PM20D1: variants seen among roughly 807,000 people sequenced by gnomAD.
PM20D1 encodes the protein N-fatty-acyl-amino acid synthase/hydrolase PM20D1.
PM20D1 carries 53 observed loss-of-function variants against 53.8 expected under a neutral mutation model. The observed-to-expected ratio is 0.98, with a 90% CI of 0.79 to 1.24. The LOEUF is 1.24. Among genes scored for constraint, PM20D1 ranks in the 50% most tolerant of loss-of-function variants. PM20D1 has a pLI of 0.00. For synonymous variants in PM20D1, 239 were observed against 241.3 expected, an observed-to-expected ratio of 0.99 and a Z score of 0.09; for missense variants, 564 against 616.8, an observed-to-expected ratio of 0.91 and a Z score of 0.91.
intron 10 of PM20D1, among the ~76,000 whole-genome samples, chr1:205,833,947 A>G (rs958801747): frequency 1.1e-4 from 17 of 151,270 alleles, no homozygotes; most frequent in Non-Finnish European, 2.2e-4. Flanking sequence ...TCCCAGGTTC[A>G]AGCAATTCTC....
intron 3 of PM20D1, 36 bp from the exon 4 acceptor site, chr1:205,844,933 C>T (rs141364578): frequency 5.4e-5 from 86 of 1,578,316 alleles, no homozygotes; most frequent in Admixed American, 3.3e-4. Context: ...AGGAAAAAGA[C>T]GTTATTTAGG....
At chr1:205,840,490 A>G (rs555327753) in intron 9 of PM20D1, among the ~76,000 whole-genome samples, 167 bp from the exon 10 acceptor site, 3 of 152,158 alleles carry the variant, frequency 2.0e-5, no homozygotes, top group Non-Finnish European at 2.9e-5. Flanking sequence ...GAACTAAGTG[A>G]CATGTTATAT....
rs1395899612 is a variant in PM20D1 at position 205,844,808 on chromosome 1, T to C, written c.576+3A>G. Reference sequence around the variant, plus strand: ...AGATAGGTATAAGGTGAGGAGGCTCTACCTCCTCATCATGGCCCAGAGAAA... The same window carrying C: ...AGATAGGTATAAGGTGAGGAGGCTCCACCTCCTCATCATGGCCCAGAGAAA... On this transcript the variant is annotated splice_donor_region_variant and intron_variant, in intron 4 of 12. Coordinates refer to ENST00000367136, the MANE Select transcript of PM20D1 (RefSeq NM_152491.5). The C allele has an allele frequency of 6.2e-7, 1 of 1,610,028 alleles. No individual in the cohort carries two copies. Among genetic ancestry groups the C allele is most frequent in the South Asian group, 1.1e-5 (1 of 90,966 alleles).
At chr1:205,829,562 C>A (rs1333956536) in intron 12 of PM20D1, among the ~76,000 whole-genome samples, 2 of 152,162 alleles carry the variant, frequency 1.3e-5, no homozygotes, top group African/African-American at 4.8e-5. Context: ...CAAACAACAA[C>A]CAAACTACAT....
rs2102523279 is a variant in PM20D1, at chr1:205,832,806, T to G, written c.1117-40A>C. 2 of 1,524,850 alleles carry G rather than the reference T, an allele frequency of 1.3e-6. 1 individual carries two copies. Among genetic ancestry groups the G allele is most frequent in the African/African-American group, 2.8e-5 (2 of 71,904 alleles). The allele number at this position is 1,524,850 out of a possible 1,614,324, so 94.5% of individuals were successfully genotyped here. A position where few individuals can be genotyped will look rare whatever the true frequency, so the allele number is the denominator to read the frequency against. On this transcript the variant is annotated intron_variant, in intron 10 of 12. Coordinates refer to ENST00000367136, the MANE Select transcript of PM20D1 (RefSeq NM_152491.5). ...CAAAGGGGGTTCGATTTCTTATTGA[T>G]TTCTATACATGTACAATATGGGCTT...
At chr1:205,831,011 G>A (rs754063970) in intron 11 of PM20D1, among the ~76,000 whole-genome samples, 1 of 152,104 alleles carries the variant, frequency 6.6e-6, no homozygotes, top group East Asian at 1.9e-4. Context: ...AAATATCACC[G>A]TCTTGAATTG....
In PM20D1 at chr1:205,844,086, C is replaced by T; in HGVS notation, c.707+1G>A. ...GGTGTGGGGTGGGATGCTTTACTCACAAGGCGATGGGCTTCTTGAAGTTAG... is the reference window on the plus strand; with the variant it reads ...GGTGTGGGGTGGGATGCTTTACTCATAAGGCGATGGGCTTCTTGAAGTTAG... On this transcript the variant is annotated splice_donor_variant, in intron 5 of 12. Coordinates refer to ENST00000367136, the MANE Select transcript of PM20D1 (RefSeq NM_152491.5). LOFTEE classifies it high-confidence loss of function. 1 of 1,608,594 alleles carries T rather than the reference C, an allele frequency of 6.2e-7. No homozygotes were observed. The highest frequency in any genetic ancestry group is 8.5e-7 in the Non-Finnish European group (1 of 1,177,370).
At chr1:205,839,209 T>C (rs1270257115) in intron 10 of PM20D1, among the ~76,000 whole-genome samples, 1 of 152,216 alleles carries the variant, frequency 6.6e-6, no homozygotes, top group Non-Finnish European at 1.5e-5. Context: ...GTTTATTCTA[T>C]TCGTTAAGCC....
chr1:205,828,707 G>A lies in PM20D1; in HGVS notation c.1422C>T (p.Ala474=), dbSNP rs1405480667. The A allele has an allele frequency of 1.2e-6, 2 of 1,614,014 alleles. No individual in the cohort carries two copies. Among genetic ancestry groups the A allele is most frequent in the African/African-American group, 2.7e-5 (2 of 74,926 alleles). ...HGVNEKISVQ[A]YETQVKFIFE... ...AGATGAATTTCACTTGGGTCTCATA[G>A]GCTTGGACTGAGATTTTCTCGTTGA... The change falls in exon 13 of 13, where the codon GCC becomes GCT. Residue 474 remains alanine (A), a synonymous_variant. Transcript: ENST00000367136.
At chr1:205,841,781 AG>A in intron 9 of PM20D1, 29 bp downstream of exon 9, 1 of 1,541,442 alleles carries the variant, frequency 6.5e-7, no homozygotes, top group Non-Finnish European at 8.8e-7. Flanking sequence ...GGTAGGGAAA[AG>A]CTATATGGGG....
rs1571682961 is a variant in PM20D1 at position 205,847,976 on chromosome 1, C to T, written c.170-5G>A. ...CTGTTGGAATCTGGATGGCACCTGT[C>T]AGAGTCAAATAGAGATGAAAGATTG... On this transcript the variant is annotated splice_region_variant and splice_polypyrimidine_tract_variant and intron_variant, in intron 1 of 12. Transcript: ENST00000367136. 1 of 1,605,082 alleles carries T rather than the reference C, an allele frequency of 6.2e-7. No individual in the cohort carries two copies. Among genetic ancestry groups the T allele is most frequent in the Non-Finnish European group, 8.5e-7 (1 of 1,173,244 alleles).
At chr1:205,832,867 CAGGGTTTACAG>C in intron 10 of PM20D1, 101 bp from the exon 11 acceptor site, 1 of 1,323,024 alleles carries the variant, frequency 7.6e-7, no homozygotes, top group East Asian at 2.6e-5. Context: ...GGCAGAGCCT[CAGGGTTTACAG>C]ACAGGACTTA....
chr1:205,842,034 A>AGATG, intron 8 of PM20D1, 120 bp downstream of exon 8: 5 of 1,200,334 alleles, frequency 4.2e-6, no homozygotes, highest in Non-Finnish European at 6.1e-6. Context: ...ACACACTTAG[A>AGATG]GATGCAGTAT....
Position 205,828,277 on chromosome 1 carries a change from C to T in PM20D1, c.*343G>A, listed in dbSNP as rs761275148. On this transcript the variant is annotated 3_prime_UTR_variant, in exon 13 of 13. Coordinates refer to ENST00000367136, the MANE Select transcript of PM20D1 (RefSeq NM_152491.5). ...GCAAGAGTGCCCTAAATTAAAGACTCCTATCAGGTAACAACTGGTTGAGAT... is the reference window on the plus strand; with the variant it reads ...GCAAGAGTGCCCTAAATTAAAGACTTCTATCAGGTAACAACTGGTTGAGAT... The T allele has an allele frequency of 1.5e-5, 3 of 197,838 alleles. No individual in the cohort carries two copies. Among genetic ancestry groups the T allele is most frequent in the Non-Finnish European group, 3.1e-5 (3 of 97,358 alleles). The allele number at this position is 197,838 out of a possible 1,614,324, so 12.3% of individuals were successfully genotyped here. A position where few individuals can be genotyped will look rare whatever the true frequency, so the allele number is the denominator to read the frequency against.
At chr1:205,844,026 G>A in intron 5 of PM20D1, 61 bp downstream of exon 5, 2 of 1,560,716 alleles carry the variant, frequency 1.3e-6, no homozygotes, top group East Asian at 2.3e-5. Flanking sequence ...ATACCAGGCT[G>A]GGGTCATCTC....
rs368735554 is a variant in PM20D1, at chr1:205,828,588, C to G, written c.*32G>C. 2.9e-5 allele frequency: 47 copies of G among 1,612,832 alleles called. No homozygotes were observed. The highest frequency in any genetic ancestry group is 3.9e-5 in the Non-Finnish European group (46 of 1,179,492). On this transcript the variant is annotated 3_prime_UTR_variant, in exon 13 of 13. Coordinates refer to ENST00000367136, the MANE Select transcript of PM20D1 (RefSeq NM_152491.5). ...CCTTGGGTTAGTCCTGTCCCGGGGT[C>G]GGGCATGCCTAACCCAGCAGGCCCC...
chr1:205,844,201 G>A lies in PM20D1; in HGVS notation c.593C>T (p.Ala198Val), dbSNP rs201095867. Residue 198 changes from alanine (A) to valine (V), a missense_variant, in exon 5 of 13, where the codon GCT (alanine) becomes GTT (valine). Transcript: ENST00000367136. ...GHDEESSGTGAQRISALLQSR... is the reference protein window; with the variant it reads ...GHDEESSGTGVQRISALLQSR... ...CTGTAGCAGGGCTGAGATCCTCTGA[G>A]CCCCTGTCCCTGATGACTGCAGACA... 6.2e-7 allele frequency: 1 copy of A among 1,612,180 alleles called. No individual in the cohort carries two copies. Among genetic ancestry groups the A allele is most frequent in the African/African-American group, 1.3e-5 (1 of 74,976 alleles).
At chr1:205,844,983 A>T (rs1051445735) in intron 3 of PM20D1, 86 bp from the exon 4 acceptor site, 1 of 1,171,246 alleles carries the variant, frequency 8.5e-7, no homozygotes, top group Non-Finnish European at 1.3e-6. Context: ...GTTGCCTGTT[A>T]TCAGGGCTGG....
At chr1:205,845,256 G>T in intron 3 of PM20D1, 69 bp downstream of exon 3, 2 of 1,476,144 alleles carry the variant, frequency 1.4e-6, no homozygotes, top group South Asian at 1.2e-5. Context: ...ACCTCCCAGG[G>T]TCAGCCAAGC....
Sources: allele counts gnomAD v4.1 joint callset (sites outside exome capture counted in the v4.1 genomes callset), GRCh38; gene constraint gnomAD v4.1.1; transcripts MANE v1.5; gene names NCBI Gene and HGNC (gene_info 2026-07-23, HGNC 2026-07-21).